AGBL4: variants seen among roughly 807,000 people sequenced by gnomAD.
The protein encoded by AGBL4 is AGBL carboxypeptidase 4.
AGBL4 carries 58 observed loss-of-function variants against 66.4 expected under a neutral mutation model. That is an observed-to-expected ratio of 0.87 (90% CI 0.71 to 1.09). The LOEUF (loss-of-function observed/expected upper bound fraction) is 1.09. Ranked by LOEUF, AGBL4 falls within the 50% of genes least tolerant of loss-of-function variation. The pLI is 0.00. For missense variants in AGBL4, 579 were observed against 631.0 expected (o/e 0.92, Z 0.88); for synonymous variants, 234 against 222.9 (o/e 1.05, Z -0.44).
chr1:49,906,490 T>TA (rs917626787), intron 1 of AGBL4, among the ~76,000 whole-genome samples: 16 of 152,104 alleles, frequency 1.1e-4, no homozygotes, highest in African/African-American at 3.4e-4. Context: ...ACTGATTTAA[T>TA]AAAAAAATCA....
chr1:49,284,265 C>G (rs563973384), intron 3 of AGBL4, among the ~76,000 whole-genome samples: 32 of 150,522 alleles, frequency 2.1e-4, no homozygotes, highest in South Asian at 4.2e-4. Context: ...TCATATCCAG[C>G]CAAACTAAGC....
In AGBL4 at chr1:48,629,427, G is replaced by A. The variant is rs1645558254; in HGVS notation, c.951+5066C>T. On this transcript the variant is annotated intron_variant, in intron 9 of 13. Coordinates refer to ENST00000371839, the MANE Select transcript of AGBL4 (RefSeq NM_032785.4). ...AGATCTCAGATCTAAAATCAGAATT[G>A]GAAAGAGAGACCTGGATTACAGAAC... Among the ~76,000 whole-genome samples the A allele has an allele frequency of 2.0e-5, 3 of 152,126 alleles. No individual in the cohort carries two copies. The South Asian group carries it at 6.2e-4, about 32-fold the overall frequency.
intron 7 of AGBL4, among the ~76,000 whole-genome samples, chr1:48,654,687 G>T (rs529713194): frequency 6.6e-6 from 1 of 152,214 alleles, no homozygotes; most frequent in African/African-American, 2.4e-5. Context: ...AGTGCCCAGT[G>T]CAGGCACTCA....
intron 2 of AGBL4, chr1:49,844,582 T>C: frequency 8.7e-7 from 1 of 1,143,706 alleles, no homozygotes; most frequent in Non-Finnish European, 1.2e-6. Context: ...CACTTGCACC[T>C]TGAACATTTC....
At chr1:49,461,352 C>T (rs906895219) in intron 3 of AGBL4, among the ~76,000 whole-genome samples, 10 of 151,296 alleles carry the variant, frequency 6.6e-5, no homozygotes, top group African/African-American at 2.2e-4. Flanking sequence ...TGTCTTCAAG[C>T]TTTGAAGTTT....
At chr1:48,975,857 G>A (rs985309866) in intron 5 of AGBL4, among the ~76,000 whole-genome samples, 3 of 152,112 alleles carry the variant, frequency 2.0e-5, no homozygotes, top group South Asian at 2.1e-4. Context: ...TGCATGGCAC[G>A]CTGGTATCAA....
intron 2 of AGBL4, among the ~76,000 whole-genome samples, chr1:49,737,630 A>G (rs934281473): frequency 1.3e-5 from 2 of 152,210 alleles, no homozygotes; most frequent in Non-Finnish European, 2.9e-5. Flanking sequence ...CTTCAGCACC[A>G]TACAATATTC....
At chr1:49,710,250 C>G (rs1027443495) in intron 2 of AGBL4, among the ~76,000 whole-genome samples, 7 of 152,140 alleles carry the variant, frequency 4.6e-5, no homozygotes, top group African/African-American at 1.7e-4. Context: ...CCATGGAATA[C>G]TATGCAGCCA....
At chr1:49,036,545 A>G (rs1050263273) in intron 5 of AGBL4, among the ~76,000 whole-genome samples, 7 of 152,006 alleles carry the variant, frequency 4.6e-5, no homozygotes, top group Non-Finnish European at 7.4e-5. Context: ...GCATGTAGTC[A>G]GTGTCTTGAT....
chr1:48,622,301 G>A (rs1645426331), intron 9 of AGBL4, among the ~76,000 whole-genome samples: 1 of 151,996 alleles, frequency 6.6e-6, no homozygotes, highest in African/African-American at 2.4e-5. Flanking sequence ...AGAAAGCCTT[G>A]CTTGACCCCT....
At chr1:49,637,709 C>T (rs1205756707) in intron 3 of AGBL4, among the ~76,000 whole-genome samples, 1 of 151,908 alleles carries the variant, frequency 6.6e-6, no homozygotes, top group Non-Finnish European at 1.5e-5. Flanking sequence ...TTATCTGTTA[C>T]ACAGACTGAA....
Position 49,014,299 on chromosome 1 carries a change from G to A in AGBL4, c.594+31285C>T, listed in dbSNP as rs543751179. The stretch of plus-strand genomic sequence containing the variant: ...GGTGAGACAGGGCATTCCAGGCAGA[G>A]GAAAGAGCAATAAAATACAAGTTAA... On this transcript the variant is annotated intron_variant, in intron 5 of 13. Transcript: ENST00000371839. Among the ~76,000 whole-genome samples the A allele has an allele frequency of 3.9e-5, 6 of 152,326 alleles. No individual in the cohort carries two copies. In the East Asian group the frequency reaches 1.2e-3, roughly 29 times the overall value.
At chr1:48,729,529 G>GA (rs1191086511) in intron 6 of AGBL4, among the ~76,000 whole-genome samples, 1 of 152,174 alleles carries the variant, frequency 6.6e-6, no homozygotes, top group Non-Finnish European at 1.5e-5. Context: ...AATTGTCTCA[G>GA]AGATGCAGAA....
chr1:48,900,445 G>C (rs1362382093), intron 5 of AGBL4, among the ~76,000 whole-genome samples: 2 of 152,160 alleles, frequency 1.3e-5, no homozygotes, highest in Non-Finnish European at 2.9e-5. Context: ...ATAACTTTGA[G>C]AAAGAACAAA....
chr1:49,879,300 G>A (rs1392436827), intron 1 of AGBL4, among the ~76,000 whole-genome samples: 17 of 151,358 alleles, frequency 1.1e-4, no homozygotes, highest in African/African-American at 1.7e-4. Context: ...GGCTGGTACC[G>A]GTTGTTTCTT....
chr1:48,881,999 A>G (rs1055278272), intron 5 of AGBL4, among the ~76,000 whole-genome samples: 2 of 152,174 alleles, frequency 1.3e-5, no homozygotes, highest in African/African-American at 4.8e-5. Flanking sequence ...CTGTAACCCC[A>G]GTGCTTTGGG....
At position 49,450,182 on chromosome 1, in the gene AGBL4, A is replaced by G. The variant is rs2148680856; in HGVS notation, c.283-204318T>C. Among the ~76,000 whole-genome samples the G allele has an allele frequency of 1.3e-5, 2 of 152,214 alleles. 1 individual carries two copies. The highest frequency in any genetic ancestry group is 4.1e-4 in the South Asian group (2 of 4,826). ...TTCTCTGGAGAGAACAATCCAGGGA[A>G]AAGAGATGAGTTTAGAAAAATCTAA... On this transcript the variant is annotated intron_variant, in intron 3 of 13. Transcript: ENST00000371839.
chr1:49,325,081 G>A (rs1011955248), intron 3 of AGBL4, among the ~76,000 whole-genome samples: 2 of 152,112 alleles, frequency 1.3e-5, no homozygotes, highest in Admixed American at 1.3e-4. Flanking sequence ...GGAGTGCAGT[G>A]GCACAATCTT....
chr1:49,119,453 T>G (rs997234191), intron 4 of AGBL4, among the ~76,000 whole-genome samples: 15 of 152,172 alleles, frequency 9.9e-5, no homozygotes, highest in African/African-American at 1.7e-4. Context: ...ATTTTGTTAT[T>G]TACCCAGTAG....
Sources: gnomAD v4.1 joint callset for allele counts (sites outside exome capture counted in the v4.1 genomes callset) on GRCh38, gnomAD v4.1.1 for gene constraint, MANE v1.5 for transcripts, NCBI Gene and HGNC (gene_info 2026-07-23, HGNC 2026-07-21) for gene names.